TTC29: variants seen among roughly 807,000 people sequenced by gnomAD.
TTC29 encodes the protein tetratricopeptide repeat domain 29, also known as tetratricopeptide repeat protein 29.
A neutral mutation model predicts 58.1 loss-of-function variants in TTC29; 49 were observed. The ratio of observed to expected loss-of-function variants is 0.84; its 90% CI spans 0.67 to 1.07. The LOEUF (loss-of-function observed/expected upper bound fraction) is 1.07. Ranked by LOEUF, TTC29 falls within the 50% of genes least tolerant of loss-of-function variation. The pLI is 0.00. For missense variants in TTC29, 582 were observed against 555.6 expected, an observed-to-expected ratio of 1.05 and a Z score of -0.48; for synonymous variants, 209 against 196.8, an observed-to-expected ratio of 1.06 and a Z score of -0.52.
rs557981724 is a variant in TTC29 at position 146,856,608 on chromosome 4, G to A, written c.885+10890C>T. Among the ~76,000 whole-genome samples, 12 of 151,210 alleles carry A rather than the reference G, an allele frequency of 7.9e-5. No individual in the cohort carries two copies. In the South Asian group the frequency reaches 1.9e-3, roughly 24 times the overall value. ...TTTTGTCATTTAAATGACAAATACT[G>A]TAATTTATATGACAAATACTATAAT... On this transcript the variant is annotated intron_variant, in intron 8 of 12. Transcript: ENST00000325106.
rs1045224495 is a variant in TTC29 at position 146,809,478 on chromosome 4, A to G, written c.1102-5793T>C. ...CTACAGAATGGGAGAAAATTTTTGC[A>G]ATCTAGCCAACTGACAAAGGGCTAA... On this transcript the variant is annotated intron_variant, in intron 10 of 12. Coordinates refer to ENST00000325106, the MANE Select transcript of TTC29 (RefSeq NM_031956.4). Among the ~76,000 whole-genome samples, 9 of 149,998 alleles carry G rather than the reference A, an allele frequency of 6.0e-5. 1 individual carries two copies. Among genetic ancestry groups the G allele is most frequent in the African/African-American group, 2.2e-4 (9 of 40,908 alleles).
chr4:146,861,795 T>G (rs561796136), intron 8 of TTC29, among the ~76,000 whole-genome samples: 2 of 151,832 alleles, frequency 1.3e-5, no homozygotes, highest in South Asian at 2.1e-4. Flanking sequence ...AAAAAAAAAG[T>G]AAAAATATTT....
intron 6 of TTC29, among the ~76,000 whole-genome samples, chr4:146,891,175 TAG>T (rs1732334443): frequency 6.6e-6 from 1 of 152,188 alleles, no homozygotes; most frequent in Non-Finnish European, 1.5e-5. Flanking sequence ...TGCTGATGCC[TAG>T]AGGTTTGTCC....
intron 11 of TTC29, among the ~76,000 whole-genome samples, chr4:146,708,007 A>C (rs1227074102): frequency 6.6e-6 from 1 of 152,034 alleles, no homozygotes; most frequent in Non-Finnish European, 1.5e-5. Context: ...TCTAGCAGAC[A>C]GTCCCAGCTG....
In TTC29 at chr4:146,938,604, C is replaced by G. The variant is rs1736070194; in HGVS notation, c.93-927G>C. Among the ~76,000 whole-genome samples the G allele has an allele frequency of 2.6e-5, 4 of 152,026 alleles. No homozygotes were observed. In the South Asian group the frequency reaches 8.3e-4, roughly 32 times the overall value. The stretch of plus-strand genomic sequence containing the variant: ...ATGTATATATATTATAGTGTACACA[C>G]ATGAATTATGCATTCATTGAAAGAT... On this transcript the variant is annotated intron_variant, in intron 3 of 12. Coordinates refer to ENST00000325106, the MANE Select transcript of TTC29 (RefSeq NM_031956.4).
intron 4 of TTC29, among the ~76,000 whole-genome samples, chr4:146,931,597 C>G (rs1195360647): frequency 6.6e-6 from 1 of 152,172 alleles, no homozygotes. Flanking sequence ...AAGTTTTCAA[C>G]CACAGAAGGA....
intron 5 of TTC29, among the ~76,000 whole-genome samples, chr4:146,906,826 AACTTTGG>A (rs1457929907): frequency 6.6e-6 from 1 of 152,224 alleles, no homozygotes; most frequent in Admixed American, 6.6e-5. Context: ...TGGCTATTAT[AACTTTGG>A]ACTTTGGGCC....
chr4:146,874,996 C>A, intron 6 of TTC29, 68 bp from the exon 7 acceptor site: 1 of 1,228,724 alleles, frequency 8.1e-7, no homozygotes, highest in Non-Finnish European at 1.2e-6. Flanking sequence ...ATTTTGCATA[C>A]GTTTTAGCTT....
intron 11 of TTC29, among the ~76,000 whole-genome samples, chr4:146,785,592 T>C (rs927430815): frequency 6.6e-6 from 1 of 152,158 alleles, no homozygotes; most frequent in African/African-American, 2.4e-5. Flanking sequence ...AGACAGTTAT[T>C]GGGTCCTTAG....
At chr4:146,873,628 G>A (rs921310075) in intron 7 of TTC29, among the ~76,000 whole-genome samples, 1 of 152,152 alleles carries the variant, frequency 6.6e-6, no homozygotes, top group Non-Finnish European at 1.5e-5. Context: ...GTTTGCTGCT[G>A]AAATTGATAT....
intron 2 of TTC29, among the ~76,000 whole-genome samples, chr4:146,940,474 G>C (rs574414934): frequency 6.6e-6 from 1 of 152,180 alleles, no homozygotes; most frequent in Admixed American, 6.5e-5. Context: ...TTTTTTAAAA[G>C]TTGTTTAAAA....
intron 11 of TTC29, among the ~76,000 whole-genome samples, chr4:146,753,739 T>A (rs923385032): frequency 1.4e-4 from 21 of 152,040 alleles, no homozygotes; most frequent in Non-Finnish European, 5.9e-5. Flanking sequence ...AAATGATGAG[T>A]TCATGTCCTT....
chr4:146,746,706 C>A (rs901955300), intron 11 of TTC29, among the ~76,000 whole-genome samples: 2 of 152,098 alleles, frequency 1.3e-5, no homozygotes, highest in Non-Finnish European at 2.9e-5. Context: ...TTGTAGGGAA[C>A]AGTTCCTCAC....
chr4:146,735,588 A>C (rs1257069747), intron 11 of TTC29, among the ~76,000 whole-genome samples: 1 of 152,070 alleles, frequency 6.6e-6, no homozygotes, highest in East Asian at 1.9e-4. Context: ...GGACTGTTCA[A>C]CTCCACCTAT....
At chr4:146,718,191 G>A (rs1743082553) in intron 11 of TTC29, among the ~76,000 whole-genome samples, 1 of 152,178 alleles carries the variant, frequency 6.6e-6, no homozygotes, top group South Asian at 2.1e-4. Context: ...ACATGGGACT[G>A]CAGACATCTG....
intron 6 of TTC29, among the ~76,000 whole-genome samples, chr4:146,894,205 A>T (rs1025721968): frequency 5.3e-5 from 8 of 152,188 alleles, no homozygotes; most frequent in African/African-American, 1.9e-4. Flanking sequence ...ATTATAAATC[A>T]TGCTGCTATA....
intron 8 of TTC29, among the ~76,000 whole-genome samples, chr4:146,857,948 G>A (rs191577709): frequency 4.6e-5 from 7 of 152,128 alleles, no homozygotes; most frequent in Admixed American, 1.3e-4. Flanking sequence ...TAGGTACTAC[G>A]TAATGTACAT....
intron 11 of TTC29, among the ~76,000 whole-genome samples, chr4:146,799,013 A>T (rs1206821761): frequency 6.6e-6 from 1 of 152,088 alleles, no homozygotes; most frequent in Non-Finnish European, 1.5e-5. Context: ...ACCTCAGGTA[A>T]CAGGTTAAGG....
intron 4 of TTC29, among the ~76,000 whole-genome samples, chr4:146,926,208 TA>T (rs1485635809): frequency 6.6e-6 from 1 of 152,184 alleles, no homozygotes; most frequent in Non-Finnish European, 1.5e-5. Flanking sequence ...GATTATATAA[TA>T]ACTTTCTTTT....
Sources: allele counts gnomAD v4.1 joint callset (sites outside exome capture counted in the v4.1 genomes callset), GRCh38; gene constraint gnomAD v4.1.1; transcripts MANE v1.5; gene names NCBI Gene and HGNC (gene_info 2026-07-23, HGNC 2026-07-21).